FARP1: variants seen among roughly 807,000 people sequenced by gnomAD.
FARP1 encodes FERM, ARH/RhoGEF and pleckstrin domain protein 1.
In FARP1, 52 loss-of-function variants were observed where a neutral mutation model predicts 128.8. The ratio of observed to expected loss-of-function variants is 0.40; its 90% CI spans 0.32 to 0.51. The LOEUF is 0.51. FARP1 is among the 20% of genes least tolerant of loss of function. The pLI is 0.45. For synonymous variants in FARP1, 580 were observed against 551.8 expected (o/e 1.05, Z -0.72); for missense variants, 1,333 against 1,367.9 (o/e 0.97, Z 0.40).
At chr13:98,224,104 T>G (rs1173969291) in intron 2 of FARP1, among the ~76,000 whole-genome samples, 1 of 152,244 alleles carries the variant, frequency 6.6e-6, no homozygotes, top group Non-Finnish European at 1.5e-5. Context: ...TGTAAAGCAT[T>G]GCAGAGCAAG....
chr13:98,220,973 C>CT (rs1467238646), intron 2 of FARP1, among the ~76,000 whole-genome samples: 1 of 152,084 alleles, frequency 6.6e-6, no homozygotes, highest in Non-Finnish European at 1.5e-5. Flanking sequence ...TGAAAAGCTG[C>CT]TTTTTTTCTC....
At position 98,435,873 on chromosome 13, in the gene FARP1, C is replaced by T. The variant is rs754907657; in HGVS notation, c.2274+167C>T. On this transcript the variant is annotated intron_variant, in intron 19 of 26. Coordinates refer to ENST00000319562, the MANE Select transcript of FARP1 (RefSeq NM_005766.4). ...CACAACAGTGTCGTTAGTTCAGAAT[C>T]ATTGTGTTCGGAGGAGATAAAGCAA... is the stretch of plus-strand genomic sequence containing the variant. 6 of 756,768 alleles carry T rather than the reference C, an allele frequency of 7.9e-6. No individual in the cohort carries two copies. The East Asian group carries it at 1.6e-4, about 20-fold the overall frequency. 46.9% of individuals were successfully genotyped at this position (756,768 alleles called of 1,614,324 possible). A position where few individuals can be genotyped will look rare whatever the true frequency, so the allele number is the denominator to read the frequency against.
At chr13:98,256,971 A>ATG (rs1883644459) in intron 2 of FARP1, among the ~76,000 whole-genome samples, 4 of 138,384 alleles carry the variant, frequency 2.9e-5, no homozygotes, top group Non-Finnish European at 4.7e-5. Flanking sequence ...ATATATATAT[A>ATG]TATATATATA....
intron 2 of FARP1, among the ~76,000 whole-genome samples, chr13:98,251,376 G>A (rs181090649): frequency 6.6e-4 from 101 of 152,244 alleles, no homozygotes; most frequent in African/African-American, 2.4e-3. Context: ...GACTTTATTT[G>A]CTTAATAGAA....
intron 6 of FARP1, chr13:98,384,360 T>G: frequency 5.0e-6 from 1 of 198,904 alleles, no homozygotes; most frequent in East Asian, 1.2e-4. Context: ...ACCCAGCCAA[T>G]TTTTGTATTT....
intron 8 of FARP1, among the ~76,000 whole-genome samples, chr13:98,387,026 C>T (rs371303275): frequency 5.8e-4 from 89 of 152,232 alleles, no homozygotes; most frequent in Non-Finnish European, 6.9e-4. Context: ...ATAGGCCGGG[C>T]GCGGTCGCTC....
intron 2 of FARP1, among the ~76,000 whole-genome samples, chr13:98,235,893 G>A (rs1882385113): frequency 1.4e-5 from 2 of 146,430 alleles, no homozygotes; most frequent in South Asian, 4.3e-4. Context: ...GTGTGATCTC[G>A]GCTCACGGCA....
chr13:98,304,256 T>C (rs1446326263), intron 2 of FARP1, among the ~76,000 whole-genome samples: 3 of 152,188 alleles, frequency 2.0e-5, no homozygotes, highest in Non-Finnish European at 4.4e-5. Flanking sequence ...TAATGGAGTG[T>C]AGGACTTCCA....
rs1566328485 is a variant in FARP1 at position 98,446,157 on chromosome 13, G to A, written c.2856G>A (p.Leu952=). 3.1e-6 allele frequency: 5 copies of A among 1,614,096 alleles called. No individual in the cohort carries two copies. Among genetic ancestry groups the A allele is most frequent in the Admixed American group, 1.7e-5 (1 of 60,024 alleles). Residue 952 remains leucine, a synonymous_variant, in exon 25 of 27, where the codon CTG becomes CTA. Transcript: ENST00000319562. Reference sequence around the variant, plus strand: ...AAAACAGCAACGGGTGGCAGAAGCTGTGGGTGGTGTTCACAAACTTCTGCC... The same window carrying A: ...AAAACAGCAACGGGTGGCAGAAGCTATGGGTGGTGTTCACAAACTTCTGCC... The part of the protein sequence containing the change: ...KFKNSNGWQK[L]WVVFTNFCLF...
chr13:98,242,529 G>A (rs1029573952), intron 2 of FARP1, among the ~76,000 whole-genome samples: 5 of 151,950 alleles, frequency 3.3e-5, no homozygotes, highest in Non-Finnish European at 7.4e-5. Flanking sequence ...AAATTTAAAA[G>A]GTAGCCACGT....
In FARP1 at chr13:98,210,605, G is replaced by A. The variant is rs1377658662; in HGVS notation, c.-23-2615G>A. On this transcript the variant is annotated intron_variant, in intron 1 of 26. Coordinates refer to ENST00000319562, the MANE Select transcript of FARP1 (RefSeq NM_005766.4). ...CGCTCTGTCGCCCAGGCTGGAGTGC[G>A]GTGGCGCGATCTTGGCTCACTGCAA... 6.0e-5 allele frequency among the ~76,000 whole-genome samples: 9 copies of A among 150,624 alleles called. 1 individual carries two copies. The highest frequency in any genetic ancestry group is 2.0e-4 in the Admixed American group (3 of 15,112).
At chr13:98,317,179 T>C (rs561148966) in intron 2 of FARP1, among the ~76,000 whole-genome samples, 131 of 152,266 alleles carry the variant, frequency 8.6e-4, no homozygotes, top group African/African-American at 3.0e-3. Context: ...CTAAAGGAAA[T>C]TGCAGGTACC....
intron 24 of FARP1, among the ~76,000 whole-genome samples, chr13:98,442,381 T>C (rs1320826831): frequency 6.6e-6 from 1 of 152,212 alleles, no homozygotes; most frequent in African/African-American, 2.4e-5. Flanking sequence ...TTATTGAGTT[T>C]CCTGCTACAA....
At chr13:98,185,190 A>T (rs1354236969) in intron 1 of FARP1, among the ~76,000 whole-genome samples, 1 of 152,124 alleles carries the variant, frequency 6.6e-6, no homozygotes, top group Non-Finnish European at 1.5e-5. Context: ...TGCTTAATAA[A>T]TATTGATATA....
intron 2 of FARP1, among the ~76,000 whole-genome samples, chr13:98,261,942 A>T (rs1883900907): frequency 6.6e-6 from 1 of 151,826 alleles, no homozygotes; most frequent in Admixed American, 6.6e-5. Flanking sequence ...TCTGGAGGGG[A>T]CACCCAATTC....
At chr13:98,440,883 G>A in intron 24 of FARP1, 47 bp downstream of exon 24, 1 of 1,537,608 alleles carries the variant, frequency 6.5e-7, no homozygotes, top group Non-Finnish European at 8.7e-7. Flanking sequence ...TGCTGGCCCA[G>A]GCAGAACCCA....
chr13:98,254,338 T>C (rs1363651821), intron 2 of FARP1, among the ~76,000 whole-genome samples: 1 of 152,226 alleles, frequency 6.6e-6, no homozygotes, highest in African/African-American at 2.4e-5. Context: ...TTCTTAACTT[T>C]AGTGAGTGCC....
At chr13:98,209,796 C>CAAAAAAAA (rs71111935) in intron 1 of FARP1, among the ~76,000 whole-genome samples, 13 of 49,364 alleles carry the variant, frequency 2.6e-4, no homozygotes, top group African/African-American at 9.3e-4. Context: ...AACTGTGTCT[C>CAAAAAAAA]AAAAAAAAAA....
chr13:98,343,991 C>T (rs909013536), intron 3 of FARP1, 125 bp downstream of exon 3: 17 of 701,530 alleles, frequency 2.4e-5, no homozygotes, highest in Admixed American at 4.2e-5. Context: ...TCTGTGAAGT[C>T]TTCAAATCTG....
Sources: allele counts gnomAD v4.1 joint callset (sites outside exome capture counted in the v4.1 genomes callset), GRCh38; gene constraint gnomAD v4.1.1; transcripts MANE v1.5; gene names NCBI Gene and HGNC (gene_info 2026-07-23, HGNC 2026-07-21).